The following SNTG1 variants were observed in gnomAD, a reference collection of about 807,000 sequenced individuals.
SNTG1 encodes the protein syntrophin gamma 1.
Under a neutral mutation model 74.7 loss-of-function variants are expected in SNTG1, and 39 were observed. That is an observed-to-expected ratio of 0.52 (90% CI 0.40 to 0.68). The LOEUF is 0.68. SNTG1 is among the 30% of genes least tolerant of loss of function. SNTG1 has a pLI of 0.00. For synonymous variants in SNTG1, 254 were observed against 217.1 expected (o/e 1.17, Z -1.49); for missense variants, 685 against 609.5 (o/e 1.12, Z -1.30).
chr8:50,317,248 G>A (rs972368126), intron 2 of SNTG1, among the ~76,000 whole-genome samples: 8 of 152,132 alleles, frequency 5.3e-5, no homozygotes, highest in African/African-American at 1.9e-4. Flanking sequence ...TTTGCAAGCT[G>A]GCATGTAGGT....
At chr8:50,529,023 A>C (rs1216132187) in intron 9 of SNTG1, among the ~76,000 whole-genome samples, 1 of 151,710 alleles carries the variant, frequency 6.6e-6, no homozygotes, top group Non-Finnish European at 1.5e-5. Flanking sequence ...CTTTTGGTGT[A>C]TGTATTTAAA....
intron 5 of SNTG1, among the ~76,000 whole-genome samples, chr8:50,444,025 C>T (rs960351633): frequency 2.0e-5 from 3 of 151,956 alleles, no homozygotes; most frequent in Non-Finnish European, 4.4e-5. Flanking sequence ...GTAGTCTCAG[C>T]TACTTGGGAG....
At chr8:50,649,267 G>T (rs1467032697) in intron 13 of SNTG1, among the ~76,000 whole-genome samples, 1 of 151,978 alleles carries the variant, frequency 6.6e-6, no homozygotes, top group Non-Finnish European at 1.5e-5. Context: ...GGAGTCCGAG[G>T]TGGGTGAATA....
At chr8:50,442,018 G>A (rs1056987317) in intron 5 of SNTG1, among the ~76,000 whole-genome samples, 7 of 152,146 alleles carry the variant, frequency 4.6e-5, no homozygotes, top group Non-Finnish European at 8.8e-5. Context: ...CCGAAATGAC[G>A]TATGAGCACA....
At chr8:50,624,907 T>C (rs895035780) in intron 13 of SNTG1, among the ~76,000 whole-genome samples, 1 of 151,992 alleles carries the variant, frequency 6.6e-6, no homozygotes, top group East Asian at 1.9e-4. Context: ...GTTCATAGAG[T>C]CAAAGAAATG....
intron 1 of SNTG1, among the ~76,000 whole-genome samples, chr8:50,114,060 C>T (rs569662123): frequency 1.7e-3 from 252 of 152,132 alleles, no homozygotes; most frequent in African/African-American, 5.9e-3. Flanking sequence ...GACTAATAAT[C>T]TAGGAATAGA....
At chr8:50,346,077 T>C (rs1264581771) in intron 2 of SNTG1, among the ~76,000 whole-genome samples, 2 of 152,198 alleles carry the variant, frequency 1.3e-5, no homozygotes, top group East Asian at 3.9e-4. Context: ...AGCAAAATGG[T>C]ATTCCAACTG....
At chr8:50,103,375 G>T (rs1333085847) in intron 1 of SNTG1, among the ~76,000 whole-genome samples, 1 of 152,134 alleles carries the variant, frequency 6.6e-6, no homozygotes, top group Non-Finnish European at 1.5e-5. Flanking sequence ...TGTTGTTGGT[G>T]TATAAGAATG....
intron 2 of SNTG1, among the ~76,000 whole-genome samples, chr8:50,336,784 A>AGG (rs903632536): frequency 6.6e-6 from 1 of 152,188 alleles, no homozygotes; most frequent in African/African-American, 2.4e-5. Context: ...GCTGTGTGCT[A>AGG]GGCATGAGTT....
intron 1 of SNTG1, among the ~76,000 whole-genome samples, chr8:50,070,837 T>C (rs2131000612): frequency 6.6e-6 from 1 of 152,252 alleles, no homozygotes; most frequent in Non-Finnish European, 1.5e-5. Context: ...TTGCCATTCT[T>C]GGTCAAAATG....
intron 12 of SNTG1, among the ~76,000 whole-genome samples, chr8:50,561,682 T>C (rs2130689623): frequency 6.6e-6 from 1 of 152,294 alleles, no homozygotes; most frequent in African/African-American, 2.4e-5. Context: ...CACAAAATGG[T>C]TAAGGCCTGG....
At chr8:50,031,133 T>C (rs1177579100) in intron 1 of SNTG1, among the ~76,000 whole-genome samples, 2 of 152,034 alleles carry the variant, frequency 1.3e-5, no homozygotes, top group African/African-American at 4.8e-5. Context: ...TTCTTACTAA[T>C]ACATATAAAT....
intron 2 of SNTG1, among the ~76,000 whole-genome samples, chr8:50,332,007 C>T (rs1010733866): frequency 1.7e-4 from 26 of 152,264 alleles, no homozygotes; most frequent in African/African-American, 6.0e-4. Context: ...CAAATGGAAT[C>T]ACAAAGGTGA....
chr8:50,717,263 T>C (rs1388986386), intron 17 of SNTG1, among the ~76,000 whole-genome samples: 2 of 152,176 alleles, frequency 1.3e-5, no homozygotes, highest in Non-Finnish European at 2.9e-5. Context: ...ATATATTTTA[T>C]TTTTTTCTGG....
chr8:50,450,444 TA>T, intron 6 of SNTG1, 111 bp from the exon 7 acceptor site: 1 of 1,113,466 alleles, frequency 9.0e-7, no homozygotes. Flanking sequence ...GCTAACCATA[TA>T]AGACACTTAA....
chr8:50,608,639 GT>G (rs1029930356), intron 13 of SNTG1, among the ~76,000 whole-genome samples: 1 of 151,584 alleles, frequency 6.6e-6, no homozygotes, highest in African/African-American at 2.4e-5. Context: ...GGTTATGTGT[GT>G]TTTTTTAAAT....
chr8:49,930,331 G>C (rs1056688225), intron 1 of SNTG1, among the ~76,000 whole-genome samples: 1 of 151,784 alleles, frequency 6.6e-6, no homozygotes, highest in Non-Finnish European at 1.5e-5. Flanking sequence ...TATTCAAAAA[G>C]TAATAAAGCA....
In SNTG1 at chr8:50,107,251, G is replaced by A. The variant is rs529087128; in HGVS notation, c.-102-65310G>A. On this transcript the variant is annotated intron_variant, in intron 1 of 18. Coordinates refer to ENST00000642720, the MANE Select transcript of SNTG1 (RefSeq NM_018967.5). ...GTTGCCAAAACAAAGTGTAACTTGG[G>A]CAACATGAAAGAATAAGGTATGGAC... 6.6e-5 allele frequency among the ~76,000 whole-genome samples: 10 copies of A among 152,196 alleles called. No homozygotes were observed. In the South Asian group the frequency reaches 2.1e-3, roughly 32 times the overall value.
At chr8:50,516,864 T>C (rs1299335273) in intron 9 of SNTG1, among the ~76,000 whole-genome samples, 1 of 152,080 alleles carries the variant, frequency 6.6e-6, no homozygotes, top group Non-Finnish European at 1.5e-5. Flanking sequence ...AAGTTGGAAA[T>C]CACTCTTCAA....
Sources: gnomAD v4.1 joint callset for allele counts (sites outside exome capture counted in the v4.1 genomes callset) on GRCh38, gnomAD v4.1.1 for gene constraint, MANE v1.5 for transcripts, NCBI Gene and HGNC (gene_info 2026-07-23, HGNC 2026-07-21) for gene names.